The following C10orf67 variants were observed in gnomAD, a reference collection of about 807,000 sequenced individuals.
The protein encoded by C10orf67 is chromosome 10 open reading frame 67.
C10orf67 carries 60 observed loss-of-function variants against 35.6 expected under a neutral mutation model. The observed-to-expected ratio is 1.68, with a 90% CI of 1.37 to 2.09. C10orf67 has a LOEUF of 2.09. C10orf67 is among the 30% of genes most tolerant of loss of function. C10orf67 has a pLI of 0.00. For missense variants in C10orf67, 474 were observed against 330.2 expected (o/e 1.44, Z -3.38); for synonymous variants, 167 against 115.8 (o/e 1.44, Z -2.84).
intron 5 of C10orf67, among the ~76,000 whole-genome samples, chr10:23,297,584 C>T (rs1269878201): frequency 4.6e-5 from 7 of 152,282 alleles, no homozygotes; most frequent in East Asian, 1.9e-4. Flanking sequence ...CCCCGCTTTT[C>T]GAAGTCCTTT....
intron 5 of C10orf67, among the ~76,000 whole-genome samples, chr10:23,296,561 TG>T (rs1275782550): frequency 8.5e-5 from 13 of 152,240 alleles, no homozygotes; most frequent in African/African-American, 1.2e-4. Flanking sequence ...CAAGTGCTGT[TG>T]GGGAGGTTGG....
At chr10:23,232,629 G>A (rs980485380) in intron 13 of C10orf67, among the ~76,000 whole-genome samples, 5 of 152,116 alleles carry the variant, frequency 3.3e-5, no homozygotes, top group African/African-American at 9.7e-5. Flanking sequence ...CTGCCACTTG[G>A]AGGACCAAGG....
chr10:23,246,034 A>T (rs560635781), intron 12 of C10orf67, among the ~76,000 whole-genome samples: 3 of 152,336 alleles, frequency 2.0e-5, no homozygotes, highest in African/African-American at 7.2e-5. Flanking sequence ...AAAGAATGAA[A>T]TCATGTCCTT....
chr10:23,243,281 G>T (rs886329227), intron 12 of C10orf67, among the ~76,000 whole-genome samples: 3 of 152,192 alleles, frequency 2.0e-5, no homozygotes, highest in African/African-American at 7.2e-5. Flanking sequence ...TATTTTGATA[G>T]TTGGATATGA....
At chr10:23,276,533 T>C (rs1843193713) in intron 8 of C10orf67, among the ~76,000 whole-genome samples, 1 of 152,032 alleles carries the variant, frequency 6.6e-6, no homozygotes, top group Admixed American at 6.6e-5. Flanking sequence ...AAGCAATTCC[T>C]GTGATTCACC....
At chr10:23,204,549 ATAAAGGCCAGTACTC>A (rs1166681947) in intron 15 of C10orf67, among the ~76,000 whole-genome samples, 1 of 152,220 alleles carries the variant, frequency 6.6e-6, no homozygotes, top group Non-Finnish European at 1.5e-5. Flanking sequence ...GGTGCCCCTG[ATAAAGGCCAGTACTC>A]AACATTCTAC....
chr10:23,270,827 C>A (rs1842998406), intron 8 of C10orf67, among the ~76,000 whole-genome samples: 1 of 152,204 alleles, frequency 6.6e-6, no homozygotes, highest in Non-Finnish European at 1.5e-5. Flanking sequence ...GAAATAGTGG[C>A]CAGACTGCTT....
chr10:23,343,949 C>G (rs1479239689), intron 1 of C10orf67: 1 of 466,462 alleles, frequency 2.1e-6, no homozygotes, highest in Non-Finnish European at 4.4e-6. Context: ...TCGAGGCCCT[C>G]CATGATCTTC....
intron 15 of C10orf67, among the ~76,000 whole-genome samples, chr10:23,212,477 G>A (rs1841334573): frequency 6.6e-6 from 1 of 152,186 alleles, no homozygotes; most frequent in South Asian, 2.1e-4. Flanking sequence ...CTGGGTGGAA[G>A]AACAAATTCA....
chr10:23,336,876 T>C (rs1304175552), intron 1 of C10orf67, among the ~76,000 whole-genome samples: 1 of 152,120 alleles, frequency 6.6e-6, no homozygotes, highest in Non-Finnish European at 1.5e-5. Context: ...GAAAAAATGG[T>C]TCATTCCAAG....
At chr10:23,276,604 A>G (rs762957327) in intron 8 of C10orf67, among the ~76,000 whole-genome samples, 1 of 152,000 alleles carries the variant, frequency 6.6e-6, no homozygotes, top group Non-Finnish European at 1.5e-5. Context: ...CCTGTCTGTT[A>G]ATTTTCTTCT....
At chr10:23,319,002 T>G (rs141040295) in intron 4 of C10orf67, 3 of 715,184 alleles carry the variant, frequency 4.2e-6, no homozygotes, top group African/African-American at 3.5e-5. Flanking sequence ...CCCTTTTTTT[T>G]CTTTCCAATT....
At chr10:23,328,993 C>CAAAAAAAAAAAAAAAAAAAAGAA (rs1845314468) in intron 2 of C10orf67, among the ~76,000 whole-genome samples, 2 of 78,732 alleles carry the variant, frequency 2.5e-5, no homozygotes, top group South Asian at 4.7e-4. Flanking sequence ...CATAAACGAA[C>CAAAAAAAAAAAAAAAAAAAAGAA]AAAAAAAAAA....
At chr10:23,234,801 T>C (rs1353764432) in intron 13 of C10orf67, among the ~76,000 whole-genome samples, 2 of 150,514 alleles carry the variant, frequency 1.3e-5, no homozygotes, top group Non-Finnish European at 3.0e-5. Context: ...GATCATGAGG[T>C]CAAGAGATTG....
At chr10:23,246,780 A>G (rs1842327362) in intron 12 of C10orf67, among the ~76,000 whole-genome samples, 1 of 150,030 alleles carries the variant, frequency 6.7e-6, no homozygotes, top group Admixed American at 6.6e-5. Flanking sequence ...AATAAAAAGA[A>G]AAAAACACAG....
rs781356829 is a variant in C10orf67 at position 23,203,415 on chromosome 10, A to G, written c.*758T>C. On this transcript the variant is annotated 3_prime_UTR_variant, in exon 16 of 16. Transcript: ENST00000636213. ...ACAAATATATTTCCTGAGACTTAAT[A>G]AATAACTGTAGAATTCTGTAATCCA... 3 of 152,242 alleles carry G rather than the reference A, an allele frequency of 2.0e-5. No homozygotes were observed. The highest frequency in any genetic ancestry group is 2.9e-5 in the Non-Finnish European group (2 of 68,040). The allele number at this position is 152,242 out of a possible 1,614,324, so 9.4% of individuals were successfully genotyped here. A position where few individuals can be genotyped will look rare whatever the true frequency, so the allele number is the denominator to read the frequency against.
chr10:23,225,829 A>C (rs1244099865), intron 13 of C10orf67, among the ~76,000 whole-genome samples: 1 of 152,216 alleles, frequency 6.6e-6, no homozygotes, highest in East Asian at 1.9e-4. Flanking sequence ...GCTATCCTAA[A>C]TATATATGCA....
rs1353008058 is a variant in C10orf67 at position 23,239,732 on chromosome 10, A to G, written c.1431T>C (p.Tyr477=). 2 of 655,680 alleles carry G rather than the reference A, an allele frequency of 3.1e-6. No individual in the cohort carries two copies. Among genetic ancestry groups the G allele is most frequent in the Admixed American group, 4.0e-5 (2 of 49,492 alleles). 40.6% of individuals were successfully genotyped at this position (655,680 alleles called of 1,614,324 possible). ...FAVLADTSFN[Y]IKVKPLLVQS... ...TCTAAACATTACATGCACTTACAAT[A>G]TAATTGAAGGATGTGTCAGCAAGCA... Residue 477 remains tyrosine (Y), a synonymous_variant, in exon 13 of 16, where the codon TAT becomes TAC. Transcript: ENST00000636213.
chr10:23,313,387 C>T (rs1001762790), intron 4 of C10orf67, among the ~76,000 whole-genome samples: 1 of 152,208 alleles, frequency 6.6e-6, no homozygotes, highest in Non-Finnish European at 1.5e-5. Context: ...GAAATTTCCA[C>T]TAGGAATTCA....
Sources: gnomAD v4.1 joint callset for allele counts (sites outside exome capture counted in the v4.1 genomes callset) on GRCh38, gnomAD v4.1.1 for gene constraint, MANE v1.5 for transcripts, NCBI Gene and HGNC (gene_info 2026-07-23, HGNC 2026-07-21) for gene names.